The following PALLD variants were observed in gnomAD, a reference collection of about 807,000 sequenced individuals.
PALLD encodes palladin, cytoskeletal associated protein, also known as palladin.
In PALLD, 61 loss-of-function variants were observed where a neutral mutation model predicts 123.5. The ratio of observed to expected loss-of-function variants is 0.49; its 90% CI spans 0.40 to 0.61. PALLD has a LOEUF of 0.61. Ranked by LOEUF, PALLD falls within the 20% of genes least tolerant of loss-of-function variation. PALLD has a pLI of 0.00. For synonymous variants in PALLD, 465 were observed against 496.4 expected, an observed-to-expected ratio of 0.94 and a Z score of 0.84; for missense variants, 1,273 against 1,377.0, an observed-to-expected ratio of 0.92 and a Z score of 1.20.
intron 10 of PALLD, among the ~76,000 whole-genome samples, chr4:168,742,638 G>T (rs1409011466): frequency 6.6e-6 from 1 of 152,114 alleles, no homozygotes; most frequent in African/African-American, 2.4e-5. Context: ...CCCAACTATG[G>T]TGAAAGAAAA....
chr4:168,679,028 GGT>G (rs911456273), intron 3 of PALLD, among the ~76,000 whole-genome samples: 14 of 144,236 alleles, frequency 9.7e-5, no homozygotes, highest in Middle Eastern at 3.9e-3. Context: ...TATAGTGTGT[GGT>G]GTGTGTGTGT....
intron 10 of PALLD, among the ~76,000 whole-genome samples, chr4:168,733,087 C>A (rs1361238653): frequency 6.6e-6 from 1 of 152,060 alleles, no homozygotes; most frequent in Non-Finnish European, 1.5e-5. Flanking sequence ...TTGGGGGGTA[C>A]ATGTGATATT....
chr4:168,858,221 G>C (rs780839256), intron 10 of PALLD, among the ~76,000 whole-genome samples: 3 of 152,104 alleles, frequency 2.0e-5, no homozygotes, highest in Non-Finnish European at 4.4e-5. Flanking sequence ...GAAGCATGAG[G>C]GCTGCTAACT....
In PALLD at chr4:168,497,598, G is replaced by C. The variant is rs184353094; in HGVS notation, c.-83+404G>C. Among the ~76,000 whole-genome samples the C allele has an allele frequency of 2.3e-3, 355 of 152,314 alleles. 2 individuals are homozygous for C. The highest frequency in any genetic ancestry group is 0.02 in the Middle Eastern group (6 of 294). ...CCCATATTTAAGCTAGATAAGTGAT[G>C]ATGGCTTAAAGTGATAGACCTTAGA... On this transcript the variant is annotated intron_variant, in intron 1 of 21. Coordinates refer to ENST00000505667, the MANE Select transcript of PALLD (RefSeq NM_001166108.2).
chr4:168,566,542 C>T (rs1020166520), intron 2 of PALLD, among the ~76,000 whole-genome samples: 3 of 152,096 alleles, frequency 2.0e-5, no homozygotes, highest in African/African-American at 7.2e-5. Context: ...ATGAGTTCCT[C>T]CTACCCCAGC....
chr4:168,591,218 T>C (rs1771393301), intron 2 of PALLD, among the ~76,000 whole-genome samples: 1 of 152,180 alleles, frequency 6.6e-6, no homozygotes, highest in Admixed American at 6.5e-5. Context: ...TGTAAGACCC[T>C]CTTAGCTTCT....
rs556438570 is a variant in PALLD, at chr4:168,903,473, A to T, written c.2473-284A>T. Among the ~76,000 whole-genome samples, 5 of 152,334 alleles carry T rather than the reference A, an allele frequency of 3.3e-5. No homozygotes were observed. In the South Asian group the frequency reaches 1.0e-3, roughly 32 times the overall value. ...GTAATGCCACTTCATAGAAATAATC[A>T]TTGCCAAAATTCAATATATCCCTTC... On this transcript the variant is annotated intron_variant, in intron 14 of 21. Transcript: ENST00000505667.
intron 2 of PALLD, among the ~76,000 whole-genome samples, chr4:168,637,761 T>C (rs768552158): frequency 5.9e-5 from 9 of 152,058 alleles, no homozygotes; most frequent in Non-Finnish European, 1.2e-4. Flanking sequence ...CTGGCCAGCA[T>C]GGCGAAACCC....
chr4:168,654,209 C>T (rs1778335502), intron 2 of PALLD, among the ~76,000 whole-genome samples: 2 of 152,204 alleles, frequency 1.3e-5, no homozygotes, highest in East Asian at 1.9e-4. Flanking sequence ...ATGCTAAATC[C>T]TTTTTTTCTA....
chr4:168,899,049 G>T (rs1187285691), intron 14 of PALLD, among the ~76,000 whole-genome samples: 1 of 152,110 alleles, frequency 6.6e-6, no homozygotes, highest in South Asian at 2.1e-4. Context: ...CAGAGAGCTG[G>T]TGAGTGGCCA....
chr4:168,634,694 C>G (rs1322557196), intron 2 of PALLD, among the ~76,000 whole-genome samples: 2 of 152,104 alleles, frequency 1.3e-5, no homozygotes, highest in African/African-American at 4.8e-5. Context: ...GATTTGCGGT[C>G]AGAGTGATTT....
At chr4:168,591,560 T>C (rs1000770533) in intron 2 of PALLD, among the ~76,000 whole-genome samples, 4 of 152,158 alleles carry the variant, frequency 2.6e-5, no homozygotes, top group African/African-American at 9.7e-5. Context: ...TCATCACCGG[T>C]AAAAACGACC....
rs1561291396 is a variant in PALLD, at chr4:168,600,084, T to TATAC, written c.909-68103_909-68100dup. Among the ~76,000 whole-genome samples the TATAC allele has an allele frequency of 4.1e-4, 44 of 107,594 alleles. 2 individuals are homozygous for TATAC. Among genetic ancestry groups the TATAC allele is most frequent in the African/African-American group, 8.7e-4 (30 of 34,642 alleles). 70.6% of individuals were successfully genotyped at this position (107,594 alleles called of 152,430 possible). A position where few individuals can be genotyped will look rare whatever the true frequency, so the allele number is the denominator to read the frequency against. ...ACATACATGTGTATACACACACATA[T>TATAC]ATACATGCATGTGTATGCACACATA... On this transcript the variant is annotated intron_variant, in intron 2 of 21. Transcript: ENST00000505667.
chr4:168,696,886 G>A (rs937354086), intron 8 of PALLD, among the ~76,000 whole-genome samples: 1 of 152,198 alleles, frequency 6.6e-6, no homozygotes, highest in African/African-American at 2.4e-5. Context: ...GAAGCGGCGA[G>A]AGACAGGATT....
chr4:168,552,294 C>A (rs948402064), intron 2 of PALLD, among the ~76,000 whole-genome samples: 1 of 152,068 alleles, frequency 6.6e-6, no homozygotes, highest in Non-Finnish European at 1.5e-5. Flanking sequence ...AGGGCAGGAA[C>A]CTGGGAAGTT....
Position 168,850,523 on chromosome 4 carries a change from C to CTTTTTTTTTTTTTTTT in PALLD, c.1965-40386_1965-40371dup, listed in dbSNP as rs767777801. Among the ~76,000 whole-genome samples the CTTTTTTTTTTTTTTTT allele has an allele frequency of 2.6e-4, 9 of 34,710 alleles. 3 individuals carry two copies. The highest frequency in any genetic ancestry group is 3.3e-4 in the Non-Finnish European group (7 of 21,442). The allele number at this position is 34,710 out of a possible 152,430, so 22.8% of individuals were successfully genotyped here. A position where few individuals can be genotyped will look rare whatever the true frequency, so the allele number is the denominator to read the frequency against. On this transcript the variant is annotated intron_variant, in intron 10 of 21. Coordinates refer to ENST00000505667, the MANE Select transcript of PALLD (RefSeq NM_001166108.2). ...TATATAATTTGTAAGTCTGTCATTT[C>CTTTTTTTTTTTTTTTT]TTTTTTTTTTTTTTTTTTTTTTTTT... is the stretch of plus-strand genomic sequence containing the variant.
intron 2 of PALLD, among the ~76,000 whole-genome samples, chr4:168,544,309 A>G (rs552397566): frequency 6.6e-6 from 1 of 152,394 alleles, no homozygotes; most frequent in South Asian, 2.1e-4. Context: ...TTCAGTACCT[A>G]TTATATGCCT....
chr4:168,889,661 G>GT (rs1371171281), intron 10 of PALLD, among the ~76,000 whole-genome samples: 1 of 152,130 alleles, frequency 6.6e-6, no homozygotes, highest in Non-Finnish European at 1.5e-5. Context: ...GAATTTCTGA[G>GT]TTAATGATTC....
intron 10 of PALLD, among the ~76,000 whole-genome samples, chr4:168,811,072 A>G (rs1288171633): frequency 6.6e-6 from 1 of 152,224 alleles, no homozygotes; most frequent in Non-Finnish European, 1.5e-5. Flanking sequence ...AGATTTGGTG[A>G]CTTAAGGAGA....
Sources: allele counts gnomAD v4.1 joint callset (sites outside exome capture counted in the v4.1 genomes callset), GRCh38; gene constraint gnomAD v4.1.1; transcripts MANE v1.5; gene names NCBI Gene and HGNC (gene_info 2026-07-23, HGNC 2026-07-21).